MAPRE2: variants seen among roughly 807,000 people sequenced by gnomAD.
The protein encoded by MAPRE2 is microtubule-associated protein RP/EB family member 2.
Under a neutral mutation model 43.2 loss-of-function variants are expected in MAPRE2, and 13 were observed. The observed-to-expected ratio is 0.30, with a 90% CI of 0.20 to 0.48. The LOEUF is 0.48. Among genes scored for constraint, MAPRE2 ranks in the 20% least tolerant of loss-of-function variants. MAPRE2 has a pLI of 0.99. For synonymous variants in MAPRE2, 135 were observed against 148.8 expected, an observed-to-expected ratio of 0.91 and a Z score of 0.68; for missense variants, 161 against 400.2, an observed-to-expected ratio of 0.40 and a Z score of 5.10.
At chr18:35,098,869 A>G (rs888887188) in intron 3 of MAPRE2, among the ~76,000 whole-genome samples, 2 of 152,236 alleles carry the variant, frequency 1.3e-5, no homozygotes, top group Non-Finnish European at 2.9e-5. Flanking sequence ...TGTTGAAGAA[A>G]AAAATTATTG....
chr18:35,000,495 A>C (rs890220872), intron 1 of MAPRE2, among the ~76,000 whole-genome samples: 6 of 152,216 alleles, frequency 3.9e-5, no homozygotes, highest in Non-Finnish European at 8.8e-5. Flanking sequence ...GGGACTCCCT[A>C]GCTAGGATAG....
chr18:34,981,864 A>AT (rs1432961000), intron 1 of MAPRE2, among the ~76,000 whole-genome samples: 1,057 of 74,128 alleles, frequency 0.014, 11 homozygotes, highest in African/African-American at 0.029. Context: ...GACTTTATTT[A>AT]TTTTTTTTTT....
intron 2 of MAPRE2, among the ~76,000 whole-genome samples, chr18:35,078,802 A>G (rs1209497370): frequency 6.6e-6 from 1 of 152,196 alleles, no homozygotes; most frequent in African/African-American, 2.4e-5. Flanking sequence ...ATATCTGGTA[A>G]TTCTACTAAT....
Position 35,023,402 on chromosome 18 carries a change from C to T in MAPRE2, c.-8+17849C>T, listed in dbSNP as rs1160281955. Among the ~76,000 whole-genome samples, 5 of 151,974 alleles carry T rather than the reference C, an allele frequency of 3.3e-5. 1 individual carries two copies. The highest frequency in any genetic ancestry group is 1.2e-4 in the African/African-American group (5 of 41,462). ...TGGCAGGCGCCTGTAGTCCCAGCTA[C>T]TCGGGTGGCTGAGGCAGGAGAATGG... is the stretch of plus-strand genomic sequence containing the variant. On this transcript the variant is annotated intron_variant, in intron 2 of 7. Coordinates refer to the MAPRE2 transcript ENST00000413393.
intron 4 of MAPRE2, among the ~76,000 whole-genome samples, chr18:35,126,639 A>G (rs1323354122): frequency 1.3e-5 from 2 of 152,176 alleles, no homozygotes; most frequent in African/African-American, 4.8e-5. Context: ...TTCCTCTTAA[A>G]AATCTTAAAA....
chr18:35,120,019 C>T (rs1909602368), intron 4 of MAPRE2, among the ~76,000 whole-genome samples: 1 of 152,284 alleles, frequency 6.6e-6, no homozygotes, highest in Admixed American at 6.5e-5. Context: ...TCATGTACCC[C>T]TCCCAACTCT....
chr18:35,020,271 G>A lies in MAPRE2; in HGVS notation c.-8+14718G>A, dbSNP rs150350568. On this transcript the variant is annotated intron_variant, in intron 2 of 7. Coordinates refer to the MAPRE2 transcript ENST00000413393. ...CCTAAAGAACTCGATTCTAGGCCATGAGGATATTTTATTCTCCAGCTGGAC... is the reference window on the plus strand; with the variant it reads ...CCTAAAGAACTCGATTCTAGGCCATAAGGATATTTTATTCTCCAGCTGGAC... Among the ~76,000 whole-genome samples the A allele has an allele frequency of 3.5e-3, 539 of 152,258 alleles. 1 individual carries two copies. Among genetic ancestry groups the A allele is most frequent in the Admixed American group, 8.1e-3 (123 of 15,272 alleles).
At chr18:35,042,290 C>T (rs1381556033) in intron 1 of MAPRE2, among the ~76,000 whole-genome samples, 1 of 152,104 alleles carries the variant, frequency 6.6e-6, no homozygotes, top group Non-Finnish European at 1.5e-5. Flanking sequence ...TTGAAAAAAA[C>T]TGGGCGCTGT....
intron 4 of MAPRE2, among the ~76,000 whole-genome samples, chr18:35,118,910 A>C (rs1603402974): frequency 6.6e-6 from 1 of 151,848 alleles, no homozygotes; most frequent in African/African-American, 2.4e-5. Flanking sequence ...CCAGACGGCC[A>C]CCTTCCTCTC....
intron 2 of MAPRE2, among the ~76,000 whole-genome samples, chr18:35,077,774 T>A (rs1293469029): frequency 2.0e-5 from 3 of 152,230 alleles, no homozygotes; most frequent in Admixed American, 6.5e-5. Flanking sequence ...GCCATTTCTC[T>A]TCTGATTTTG....
intron 2 of MAPRE2, among the ~76,000 whole-genome samples, chr18:35,079,435 G>A (rs1907528854): frequency 6.6e-6 from 1 of 152,174 alleles, no homozygotes; most frequent in Non-Finnish European, 1.5e-5. Flanking sequence ...AATATGAAAA[G>A]TTGATGGTTT....
intron 1 of MAPRE2, among the ~76,000 whole-genome samples, chr18:35,065,744 G>C (rs2150619284): frequency 6.6e-6 from 1 of 152,252 alleles, no homozygotes; most frequent in African/African-American, 2.4e-5. Flanking sequence ...AGTAGAGACA[G>C]GATTTCGCCA....
chr18:34,995,684 G>T (rs1001236921), intron 1 of MAPRE2, among the ~76,000 whole-genome samples: 2 of 152,272 alleles, frequency 1.3e-5, no homozygotes, highest in African/African-American at 2.4e-5. Flanking sequence ...CCTTAGTTTT[G>T]CTTGCTTGGG....
intron 2 of MAPRE2, among the ~76,000 whole-genome samples, chr18:35,035,673 T>C (rs557859740): frequency 6.6e-6 from 1 of 150,994 alleles, no homozygotes; most frequent in Non-Finnish European, 1.5e-5. Context: ...ATCTGATTCA[T>C]ACTCTCTGTG....
In MAPRE2 at chr18:35,108,732, CT is replaced by C. The variant is rs370443059; in HGVS notation, c.610+6586del. ...TTCTCTAATGATCAGTGATGTTGAG[CT>C]TTTTTTTTTTTTCATATGTTTGTTG... On this transcript the variant is annotated intron_variant, in intron 4 of 6. Transcript: ENST00000300249. 8.2e-3 allele frequency among the ~76,000 whole-genome samples: 1,156 copies of C among 141,246 alleles called. 12 individuals carry two copies. The highest frequency in any genetic ancestry group is 0.025 in the African/African-American group (967 of 38,714). 92.7% of individuals were successfully genotyped at this position (141,246 alleles called of 152,430 possible).
At chr18:35,049,581 G>A (rs914967136) in intron 1 of MAPRE2, among the ~76,000 whole-genome samples, 4 of 152,144 alleles carry the variant, frequency 2.6e-5, no homozygotes, top group African/African-American at 9.7e-5. Context: ...TGGACAGTGG[G>A]CGAGAGTACG....
At chr18:35,048,645 GTA>G (rs1201672212) in intron 1 of MAPRE2, among the ~76,000 whole-genome samples, 1 of 148,384 alleles carries the variant, frequency 6.7e-6, no homozygotes. Flanking sequence ...TACTATATGT[GTA>G]TATGTGTTTA....
rs1905364157 is a variant in MAPRE2 at position 35,041,494 on chromosome 18, A to G, written c.-46A>G. On this transcript the variant is annotated 5_prime_UTR_variant, in exon 1 of 7. Coordinates refer to ENST00000300249, the MANE Select transcript of MAPRE2 (RefSeq NM_014268.4). ...GCGGGAAGACGCAGCCACCTTCCTC[A>G]CCAGCCAGCCCACAGCGGTTTGTTC... The G allele has an allele frequency of 6.2e-7, 1 of 1,613,614 alleles. No individual in the cohort carries two copies. The highest frequency in any genetic ancestry group is 8.5e-7 in the Non-Finnish European group (1 of 1,179,816).
At chr18:35,041,329 G>A (rs1333546329), upstream of MAPRE2, 1 of 1,428,156 alleles carries the variant, frequency 7.0e-7, no homozygotes, top group South Asian at 1.5e-5. Flanking sequence ...GGCTGGCCAC[G>A]TGACCAGGGT....
Sources: allele counts gnomAD v4.1 joint callset (sites outside exome capture counted in the v4.1 genomes callset), GRCh38; gene constraint gnomAD v4.1.1; transcripts MANE v1.5; gene names NCBI Gene and HGNC (gene_info 2026-07-23, HGNC 2026-07-21).